Variants in SIRT1 observed in about 807,000 individuals in gnomAD.
SIRT1 encodes the protein NAD-dependent protein deacetylase sirtuin-1.
SIRT1 carries 24 observed loss-of-function variants against 67.9 expected under a neutral mutation model. The observed-to-expected ratio is 0.35, with a 90% CI of 0.26 to 0.50. The LOEUF (loss-of-function observed/expected upper bound fraction) is 0.50, where lower values mean the gene tolerates loss of function less well. Among genes scored for constraint, SIRT1 ranks in the 20% least tolerant of loss-of-function variants. The pLI, the probability that SIRT1 is intolerant of heterozygous loss-of-function variation, is 0.98. For synonymous variants in SIRT1, 378 were observed against 350.7 expected (o/e 1.08, Z -0.87); for missense variants, 873 against 937.2 (o/e 0.93, Z 0.89).
intron 1 of SIRT1, among the ~76,000 whole-genome samples, chr10:67,887,177 TTC>T (rs769321032): frequency 2.2e-4 from 34 of 152,308 alleles, no homozygotes; most frequent in Admixed American, 1.1e-3. Flanking sequence ...CGGCTATCTT[TTC>T]TGTTTTTTAA....
chr10:67,895,210 A>G (rs576815019), intron 4 of SIRT1, among the ~76,000 whole-genome samples: 1 of 152,082 alleles, frequency 6.6e-6, no homozygotes, highest in Non-Finnish European at 1.5e-5. Context: ...ACCTGAGGTC[A>G]GGAGTTCAAG....
rs972414627 is a variant in SIRT1 at position 67,912,775 on chromosome 10, C to T, written c.1659C>T (p.Val553=). ...RTSPPDSSVI[V]TLLDQAAKSN... ...CACCACCAGATTCTTCAGTGATTGT[C>T]ACACTTTTAGACCAAGCAGCTAAGA... Residue 553 remains valine (V), a synonymous_variant, in exon 8 of 9, where the codon GTC becomes GTT. Transcript: ENST00000212015. The T allele has an allele frequency of 6.2e-7, 1 of 1,614,134 alleles. No homozygotes were observed. The highest frequency in any genetic ancestry group is 1.1e-5 in the South Asian group (1 of 91,084).
chr10:67,886,917 G>C (rs1362053958), intron 1 of SIRT1, among the ~76,000 whole-genome samples: 1 of 150,718 alleles, frequency 6.6e-6, no homozygotes, highest in Non-Finnish European at 1.5e-5. Context: ...TGTTACCCAA[G>C]CTGGAGTGCA....
intron 7 of SIRT1, 79 bp downstream of exon 7, chr10:67,909,521 A>G (rs754771694): frequency 1.7e-4 from 199 of 1,151,840 alleles, no homozygotes; most frequent in Middle Eastern, 1.1e-3. Flanking sequence ...GACGCTAGTA[A>G]TCTTAACTCT....
At chr10:67,902,033 G>C (rs1258734952) in intron 4 of SIRT1, among the ~76,000 whole-genome samples, 1 of 152,150 alleles carries the variant, frequency 6.6e-6, no homozygotes, top group African/African-American at 2.4e-5. Context: ...CTTGTCCCCA[G>C]GCTGGAGTGC....
intron 3 of SIRT1, among the ~76,000 whole-genome samples, chr10:67,889,338 C>T (rs891532984): frequency 2.6e-5 from 4 of 152,176 alleles, no homozygotes; most frequent in East Asian, 1.9e-4. Flanking sequence ...TTATTTATAG[C>T]ACAGTGGGTA....
intron 1 of SIRT1, 113 bp from the exon 2 acceptor site, chr10:67,887,304 C>G (rs574072093): frequency 4.3e-6 from 3 of 695,550 alleles, no homozygotes; most frequent in South Asian, 1.6e-5. Flanking sequence ...GCTTTACACA[C>G]GCCGTGTAAA....
In SIRT1 at chr10:67,891,443, T is replaced by TA; in HGVS notation, c.831_832insA (p.Gly278ArgfsTer21). ...GAATACCTGACTTCAGGTCAAGGGA[T>TA]GGTATTTATGCTCGCCTTGCTGTAG... On this transcript the variant is annotated frameshift_variant, in exon 4 of 9. Transcript: ENST00000212015. LOFTEE classifies it high-confidence loss of function. 1 of 1,614,070 alleles carries TA rather than the reference T, an allele frequency of 6.2e-7. No homozygotes were observed. Among genetic ancestry groups the TA allele is most frequent in the Non-Finnish European group, 8.5e-7 (1 of 1,179,950 alleles).
In SIRT1 at chr10:67,908,045, G is replaced by C; in HGVS notation, c.1091-1G>C. On this transcript the variant is annotated splice_acceptor_variant, in intron 5 of 8. Coordinates refer to ENST00000212015, the MANE Select transcript of SIRT1 (RefSeq NM_012238.5). LOFTEE classifies it high-confidence loss of function. ...AGCATATATATGTTGTTTGTTTTTA[G>C]GTTCCTTTGCAACAGCATCTTGCCT... 6.2e-7 allele frequency: 1 copy of C among 1,611,832 alleles called. No homozygotes were observed. Among genetic ancestry groups the C allele is most frequent in the Non-Finnish European group, 8.5e-7 (1 of 1,178,690 alleles).
chr10:67,911,084 A>G (rs965914948), intron 7 of SIRT1, among the ~76,000 whole-genome samples: 1 of 152,234 alleles, frequency 6.6e-6, no homozygotes, highest in Non-Finnish European at 1.5e-5. Context: ...CTGTTAAAGT[A>G]GAATACAAGA....
chr10:67,910,694 G>A (rs1425553618), intron 7 of SIRT1, among the ~76,000 whole-genome samples: 1 of 152,150 alleles, frequency 6.6e-6, no homozygotes, highest in Non-Finnish European at 1.5e-5. Context: ...ATGCCATAAC[G>A]GTGATATGTC....
chr10:67,893,336 C>T (rs1418681826), intron 4 of SIRT1, among the ~76,000 whole-genome samples: 1 of 152,040 alleles, frequency 6.6e-6, no homozygotes, highest in Non-Finnish European at 1.5e-5. Flanking sequence ...TGTGGTGTTC[C>T]CCACCCTGTG....
rs753637117 is a variant in SIRT1, at chr10:67,912,820, G to C, written c.1704G>C (p.Val568=). The C allele has an allele frequency of 3.7e-6, 6 of 1,614,048 alleles. No homozygotes were observed. The South Asian group carries it at 4.4e-5, about 12-fold the overall frequency. Residue 568 remains valine, a synonymous_variant, in exon 8 of 9, where the codon GTG becomes GTC. Coordinates refer to ENST00000212015, the MANE Select transcript of SIRT1 (RefSeq NM_012238.5). ...QAAKSNDDLD[V]SESKGCMEEK... ...CTAAGAGTAATGATGATTTAGATGT[G>C]TCTGAATCAAAAGGTTGTATGGAAG...
chr10:67,901,586 T>TA (rs1452011652), intron 4 of SIRT1, among the ~76,000 whole-genome samples: 4 of 152,202 alleles, frequency 2.6e-5, no homozygotes, highest in Non-Finnish European at 5.9e-5. Flanking sequence ...TTGAACAAAT[T>TA]AAAAAACCCA....
chr10:67,912,483 C>A lies in SIRT1; in HGVS notation c.1367C>A (p.Pro456His), dbSNP rs1842914981. 1 of 1,607,230 alleles carries A rather than the reference C, an allele frequency of 6.2e-7. No homozygotes were observed. Among genetic ancestry groups the A allele is most frequent in the African/African-American group, 1.3e-5 (1 of 74,400 alleles). Reference protein sequence around the residue: ...RPVALIPSSIPHEVPQILINR... With the variant: ...RPVALIPSSIHHEVPQILINR... ...TTTCACCCTATTTTAGGTTCCATAC[C>A]CCATGAAGTGCCTCAGATATTAATT... Residue 456 changes from proline to histidine, a missense_variant, in exon 8 of 9, where the codon CCC becomes CAC. Physicochemically the swap from Pro to His is moderately conservative, Grantham distance 77. Transcript: ENST00000212015.
chr10:67,913,916 C>G (rs1186311784), intron 8 of SIRT1, among the ~76,000 whole-genome samples: 1 of 151,612 alleles, frequency 6.6e-6, no homozygotes, highest in Non-Finnish European at 1.5e-5. Context: ...ATATTAGGCA[C>G]TGTGGTAAGT....
At chr10:67,907,931 C>A in intron 5 of SIRT1, 115 bp from the exon 6 acceptor site, 2 of 851,134 alleles carry the variant, frequency 2.3e-6, no homozygotes, top group Non-Finnish European at 3.5e-6. Flanking sequence ...AAAACAAAAA[C>A]AAAAATCCTT....
intron 8 of SIRT1, 97 bp from the exon 9 acceptor site, chr10:67,916,168 A>T: frequency 9.3e-7 from 1 of 1,078,354 alleles, no homozygotes; most frequent in Non-Finnish European, 1.3e-6. Context: ...GGACACTTAT[A>T]ATAAAGGCAG....
intron 4 of SIRT1, among the ~76,000 whole-genome samples, chr10:67,892,662 C>T (rs551112416): frequency 6.6e-6 from 1 of 151,824 alleles, no homozygotes; most frequent in East Asian, 1.9e-4. Context: ...AGTGCAATGG[C>T]ATGATCTTGG....
Sources: allele counts gnomAD v4.1 joint callset (sites outside exome capture counted in the v4.1 genomes callset), GRCh38; gene constraint gnomAD v4.1.1; transcripts MANE v1.5; gene names NCBI Gene and HGNC (gene_info 2026-07-23, HGNC 2026-07-21).